Variants in SMARCAD1 observed in about 807,000 individuals in gnomAD.
The protein encoded by SMARCAD1 is SNF2 related chromatin remodeling ATPase with DExD box 1, also known as SWI/SNF-related matrix-associated actin-dependent regulator of chromatin subfamily A containing DEAD/H box 1.
SMARCAD1 carries 25 observed loss-of-function variants against 127.1 expected under a neutral mutation model. The ratio of observed to expected loss-of-function variants is 0.20; its 90% CI spans 0.14 to 0.27. The LOEUF is 0.27. SMARCAD1 is among the 10% of genes least tolerant of loss of function. The pLI is 1.00. For missense variants in SMARCAD1, 807 were observed against 1,206.0 expected (o/e 0.67, Z 4.90); for synonymous variants, 400 against 396.9 (o/e 1.01, Z -0.09).
intron 2 of SMARCAD1, 72 bp downstream of exon 2, chr4:94,208,656 C>A: frequency 7.2e-7 from 1 of 1,386,754 alleles, no homozygotes; most frequent in South Asian, 1.2e-5. Flanking sequence ...AAGGGATTCT[C>A]ATTTTTATTC....
chr4:94,274,847 C>T (rs754448929), intron 13 of SMARCAD1, 43 bp from the exon 14 acceptor site: 3 of 1,601,450 alleles, frequency 1.9e-6, no homozygotes, highest in Admixed American at 3.3e-5. Context: ...AAATAAAGTA[C>T]AGCACAATAA....
At position 94,226,305 on chromosome 4, in the gene SMARCAD1, A is replaced by G; in HGVS notation, c.368+9A>G. 1 of 1,599,420 alleles carries G rather than the reference A, an allele frequency of 6.3e-7. No homozygotes were observed. The highest frequency in any genetic ancestry group is 2.2e-5 in the East Asian group (1 of 44,614). On this transcript the variant is annotated intron_variant, in intron 3 of 23. Coordinates refer to ENST00000354268, the MANE Select transcript of SMARCAD1 (RefSeq NM_020159.5). ...GATACAGTGATTATAGTGTAAGCTG[A>G]TTAATAGATATATTGTATTTGCATG...
intron 6 of SMARCAD1, among the ~76,000 whole-genome samples, chr4:94,249,093 C>G (rs1288082572): frequency 1.1e-4 from 17 of 152,080 alleles, no homozygotes. Flanking sequence ...TGTATAGCCA[C>G]AATTCTCATA....
At chr4:94,276,901 T>A in intron 15 of SMARCAD1, 121 bp from the exon 16 acceptor site, 3 of 1,021,736 alleles carry the variant, frequency 2.9e-6, no homozygotes, top group Non-Finnish European at 4.4e-6. Context: ...TCACAGAATG[T>A]TAAATTATTA....
At chr4:94,236,521 A>G (rs1746680602) in intron 4 of SMARCAD1, among the ~76,000 whole-genome samples, 1 of 152,066 alleles carries the variant, frequency 6.6e-6, no homozygotes, top group Admixed American at 6.6e-5. Flanking sequence ...TTAAAAAAAA[A>G]GTAAATAGAT....
At chr4:94,281,199 C>T (rs1455841624) in intron 20 of SMARCAD1, among the ~76,000 whole-genome samples, 1 of 152,152 alleles carries the variant, frequency 6.6e-6, no homozygotes, top group Non-Finnish European at 1.5e-5. Context: ...CGACGTTTTT[C>T]TTATGAAAAG....
intron 9 of SMARCAD1, among the ~76,000 whole-genome samples, chr4:94,254,062 C>G (rs1749691820): frequency 6.6e-6 from 1 of 151,966 alleles, no homozygotes; most frequent in African/African-American, 2.4e-5. Flanking sequence ...AGGGGAGAGT[C>G]CCTGAACAAT....
rs535745788 is a variant in SMARCAD1, at chr4:94,236,992, C to T, written c.578C>T (p.Ala193Val). The T allele has an allele frequency of 6.2e-7, 1 of 1,613,432 alleles. No individual in the cohort carries two copies. Among genetic ancestry groups the T allele is most frequent in the Non-Finnish European group, 8.5e-7 (1 of 1,179,656 alleles). The change falls in exon 5 of 24, where the codon GCT (alanine) becomes GTT (valine). Residue 193 changes from alanine to valine, a missense_variant. Physicochemically the swap from Ala to Val is moderately conservative, Grantham distance 64. Around this residue, in one of 8 missense-constraint regions of SMARCAD1, gnomAD observed 48 missense variants for 90.8 expected, o/e 0.53. Coordinates refer to ENST00000354268, the MANE Select transcript of SMARCAD1 (RefSeq NM_020159.5). ...STSTMDGAIA[A>V]ALLMFGDAGG... ...AGCACTATGGATGGAGCAATTGCTG[C>T]TGCCTTGCTGATGTTTGGTGATGCA...
chr4:94,275,971 A>T (rs577001375), intron 14 of SMARCAD1, among the ~76,000 whole-genome samples: 1 of 151,214 alleles, frequency 6.6e-6, no homozygotes, highest in African/African-American at 2.4e-5. Flanking sequence ...CTAATTTTTT[A>T]TATTTTTAGT....
Position 94,269,509 on chromosome 4 carries a change from T to A in SMARCAD1, c.1482-1219T>A, listed in dbSNP as rs540922458. 3.5e-3 allele frequency among the ~76,000 whole-genome samples: 531 copies of A among 150,490 alleles called. 11 individuals are homozygous for A. The East Asian group carries it at 0.055, about 16-fold the overall frequency. On this transcript the variant is annotated intron_variant, in intron 10 of 23. Transcript: ENST00000354268. ...GCAAATTAAGTTTTTTTTTTTTTTT[T>A]ATCTGTTAAAGTGATGATAGTAACT... is the stretch of plus-strand genomic sequence containing the variant.
At chr4:94,233,351 A>G (rs1315260159) in intron 3 of SMARCAD1, among the ~76,000 whole-genome samples, 3 of 152,200 alleles carry the variant, frequency 2.0e-5, no homozygotes, top group Non-Finnish European at 4.4e-5. Flanking sequence ...TTTGACTCAA[A>G]ATGTCTTTTA....
At chr4:94,275,703 T>C (rs1753158686) in intron 14 of SMARCAD1, among the ~76,000 whole-genome samples, 1 of 152,146 alleles carries the variant, frequency 6.6e-6, no homozygotes, top group Non-Finnish European at 1.5e-5. Context: ...TATTAAAATA[T>C]AACACTTCAT....
At chr4:94,266,657 C>T (rs902792808) in intron 10 of SMARCAD1, among the ~76,000 whole-genome samples, 1 of 152,014 alleles carries the variant, frequency 6.6e-6, no homozygotes, top group Non-Finnish European at 1.5e-5. Context: ...AAAGTTGTCT[C>T]CTTGCTTTAG....
At chr4:94,288,964 GTAATT>G (rs906637385) in intron 23 of SMARCAD1, among the ~76,000 whole-genome samples, 18 of 152,090 alleles carry the variant, frequency 1.2e-4, no homozygotes, top group Non-Finnish European at 1.5e-5. Context: ...GATAAACCAG[GTAATT>G]TAAAGTGGCT....
intron 3 of SMARCAD1, among the ~76,000 whole-genome samples, chr4:94,228,481 ATTATC>A (rs1745354248): frequency 6.6e-6 from 1 of 152,172 alleles, no homozygotes; most frequent in African/African-American, 2.4e-5. Flanking sequence ...GTACAGTACT[ATTATC>A]TAATATACTT....
At chr4:94,229,536 T>C (rs1745505323) in intron 3 of SMARCAD1, among the ~76,000 whole-genome samples, 1 of 152,158 alleles carries the variant, frequency 6.6e-6, no homozygotes, top group Admixed American at 6.5e-5. Context: ...CCTATCATTT[T>C]CCTTTCTGGA....
At position 94,207,966 on chromosome 4, in the gene SMARCAD1, C is replaced by T. The variant is rs1741464881; in HGVS notation, c.-154C>T. The T allele has an allele frequency of 5.5e-6, 2 of 363,348 alleles. No individual in the cohort carries two copies. The highest frequency in any genetic ancestry group is 2.1e-5 in the African/African-American group (1 of 46,900). The allele number at this position is 363,348 out of a possible 1,614,324, so 22.5% of individuals were successfully genotyped here. ...TGTCGAGGCGCGGGCCCTGGCAGGT[C>T]CTTTCTCGAGGCAGGGGGCACGGTA... On this transcript the variant is annotated 5_prime_UTR_variant, in exon 1 of 24. Transcript: ENST00000354268.
At chr4:94,242,962 A>G (rs1312940806) in intron 6 of SMARCAD1, among the ~76,000 whole-genome samples, 1 of 152,164 alleles carries the variant, frequency 6.6e-6, no homozygotes, top group East Asian at 1.9e-4. Flanking sequence ...TTATCAGGTC[A>G]TAAAGAATTT....
At chr4:94,219,509 A>G (rs991355208) in intron 2 of SMARCAD1, among the ~76,000 whole-genome samples, 3 of 152,024 alleles carry the variant, frequency 2.0e-5, no homozygotes, top group African/African-American at 7.2e-5. Context: ...GTAGACTTAG[A>G]TACGAGAACG....
Sources: gnomAD v4.1 joint callset for allele counts (sites outside exome capture counted in the v4.1 genomes callset) on GRCh38, gnomAD v4.1.1 for gene constraint, gnomAD v4.1.1 regional missense constraint, MANE v1.5 for transcripts, NCBI Gene and HGNC (gene_info 2026-07-23, HGNC 2026-07-21) for gene names.